Variants in PLEKHG1 observed in about 807,000 individuals in gnomAD.
The protein encoded by PLEKHG1 is pleckstrin homology and RhoGEF domain containing G1.
In PLEKHG1, 44 loss-of-function variants were observed where a neutral mutation model predicts 100.8. The ratio of observed to expected loss-of-function variants is 0.44; its 90% confidence interval spans 0.34 to 0.56. PLEKHG1 has a LOEUF of 0.56. Among genes scored for constraint, PLEKHG1 ranks in the 20% least tolerant of loss-of-function variants. The probability of loss-of-function intolerance (pLI) is 0.01; values close to 1 mark genes in which losing one functional copy is unlikely to be tolerated. For missense variants in PLEKHG1, 1,545 were observed against 1,720.9 expected, an observed-to-expected ratio of 0.90 and a Z score of 1.81; for synonymous variants, 640 against 662.5, an observed-to-expected ratio of 0.97 and a Z score of 0.52.
At chr6:150,656,092 A>G (rs1778958777) in intron 3 of PLEKHG1, among the ~76,000 whole-genome samples, 2 of 152,074 alleles carry the variant, frequency 1.3e-5, no homozygotes, top group African/African-American at 4.8e-5. Context: ...AACTTAAAGT[A>G]TAATAAAAAA....
intron 2 of PLEKHG1, among the ~76,000 whole-genome samples, chr6:150,760,637 T>C (rs1290013558): frequency 2.6e-5 from 2 of 77,590 alleles, no homozygotes; most frequent in Non-Finnish European, 4.1e-5. Context: ...ATGCTTTGCT[T>C]TTTTTTTTTT....
chr6:150,823,802 A>T, intron 14 of PLEKHG1, 126 bp downstream of exon 15: 1 of 693,690 alleles, frequency 1.4e-6, no homozygotes, highest in South Asian at 1.8e-5. Context: ...CATTTTGGAA[A>T]TATGGTATTT....
At chr6:150,677,594 A>G (rs1424825598) in intron 3 of PLEKHG1, among the ~76,000 whole-genome samples, 1 of 152,186 alleles carries the variant, frequency 6.6e-6, no homozygotes, top group Non-Finnish European at 1.5e-5. Context: ...CACACCTGAT[A>G]CATACCCCTC....
intron 2 of PLEKHG1, among the ~76,000 whole-genome samples, chr6:150,649,656 C>G (rs1211424998): frequency 6.6e-6 from 1 of 152,178 alleles, no homozygotes; most frequent in African/African-American, 2.4e-5. Flanking sequence ...GCGGGCAGAT[C>G]ACCTAAGGTC....
chr6:150,717,206 ATT>A (rs796220079), upstream of PLEKHG1, among the ~76,000 whole-genome samples: 4 of 142,600 alleles, frequency 2.8e-5, no homozygotes, highest in Admixed American at 7.0e-5. Flanking sequence ...TAATTTTTGT[ATT>A]TTTTTTTTTT....
chr6:150,709,149 C>T (rs781121036), intron 3 of PLEKHG1, among the ~76,000 whole-genome samples: 47 of 152,202 alleles, frequency 3.1e-4, no homozygotes, highest in Middle Eastern at 3.4e-3. Flanking sequence ...CTGGCTAACA[C>T]GGTGAAACTC....
chr6:150,696,981 C>T (rs1240524322), intron 3 of PLEKHG1, among the ~76,000 whole-genome samples: 2 of 151,998 alleles, frequency 1.3e-5, no homozygotes, highest in African/African-American at 4.8e-5. Flanking sequence ...CCTGTAGTCC[C>T]AGCTACTTGG....
At chr6:150,809,712 A>G in exon 10 of PLEKHG1, 1 of 1,613,834 alleles carries the variant, frequency 6.2e-7, no homozygotes, top group Non-Finnish European at 8.5e-7. Context: ...CTGGAGAACC[A>G]TGCAGCCAAG....
At position 150,673,463 on chromosome 6, in the gene PLEKHG1, C is replaced by T. The variant is rs76406554; in HGVS notation, c.-99+22677C>T. On this transcript the variant is annotated intron_variant, in intron 3 of 3. Coordinates refer to the PLEKHG1 transcript ENST00000367326. ...CCTGTCTATAGGCAATGCTTGCTTT[C>T]GAATCCTTAAATATATTCAAGAACA... is the stretch of plus-strand genomic sequence containing the variant. Among the ~76,000 whole-genome samples, 570 of 152,248 alleles carry T rather than the reference C, an allele frequency of 3.7e-3. 4 individuals carry two copies. The highest frequency in any genetic ancestry group is 0.013 in the African/African-American group (552 of 41,538).
chr6:150,818,910 C>T (rs939600226), intron 11 of PLEKHG1, among the ~76,000 whole-genome samples: 2 of 152,288 alleles, frequency 1.3e-5, no homozygotes, highest in African/African-American at 4.8e-5. Flanking sequence ...ACGTTGATTC[C>T]CTTCCCTCCA....
Position 150,716,024 on chromosome 6 carries a change from C to T in PLEKHG1, c.-98-17560C>T, listed in dbSNP as rs1385023041. 1.5e-4 allele frequency among the ~76,000 whole-genome samples: 22 copies of T among 148,464 alleles called. No homozygotes were observed. In the East Asian group the frequency reaches 3.8e-3, roughly 26 times the overall value. On this transcript the variant is annotated intron_variant, in intron 3 of 3. Coordinates refer to the PLEKHG1 transcript ENST00000367326. ...TCGGGAGGCTGAGGCAGGAGAATGG[C>T]GTGAACCCGGGAGGCGGAGCTTGCA...
Position 150,648,490 on chromosome 6 carries a change from T to C in PLEKHG1, c.-157-2238T>C, listed in dbSNP as rs547119286. Among the ~76,000 whole-genome samples the C allele has an allele frequency of 2.7e-3, 412 of 152,272 alleles. 2 individuals carry two copies. Among genetic ancestry groups the C allele is most frequent in the Non-Finnish European group, 4.5e-3 (307 of 67,972 alleles). On this transcript the variant is annotated intron_variant, in intron 2 of 3. Transcript: ENST00000367326. Reference sequence around the variant, plus strand: ...TTGAAGATAAGAATAAGTGTTGATCTTTTGTGACCTATTGATAGGGCATAA... The same window carrying C: ...TTGAAGATAAGAATAAGTGTTGATCCTTTGTGACCTATTGATAGGGCATAA...
intron 4 of PLEKHG1, among the ~76,000 whole-genome samples, chr6:150,791,791 T>C (rs1396212358): frequency 1.3e-5 from 2 of 152,072 alleles, no homozygotes; most frequent in African/African-American, 4.8e-5. Context: ...CAAAAAGCAG[T>C]CTCCACAAAC....
intron 3 of PLEKHG1, among the ~76,000 whole-genome samples, chr6:150,704,257 C>T (rs1380237674): frequency 6.6e-6 from 1 of 152,208 alleles, no homozygotes; most frequent in Non-Finnish European, 1.5e-5. Context: ...AAACCTTCCT[C>T]TGGTCTTCTT....
Position 150,683,739 on chromosome 6 carries a change from G to T in PLEKHG1, c.-99+32953G>T. 7.9e-7 allele frequency: 1 copy of T among 1,267,988 alleles called. No individual in the cohort carries two copies. The allele number at this position is 1,267,988 out of a possible 1,614,324, so 78.5% of individuals were successfully genotyped here. ...ACGGACCCCTCTGCGCTAGTATCCA[G>T]GGCATAGGACGTCTGAAGGAAAGAT... On this transcript the variant is annotated intron_variant, in intron 3 of 3. Coordinates refer to the PLEKHG1 transcript ENST00000367326. The surrounding 1 kb of genome is among the most constrained non-coding windows in gnomAD (Gnocchi z 4.0).
chr6:150,740,646 G>A lies in PLEKHG1; in HGVS notation c.411+6554G>A, dbSNP rs924239698. On this transcript the variant is annotated intron_variant, in intron 2 of 15. Transcript: ENST00000358517. ...TAGGGATTGTTTTAAATGAAGGCTC[G>A]TTATGTGGGTGGATTTAATAAGGAA... Among the ~76,000 whole-genome samples, 7 of 152,150 alleles carry A rather than the reference G, an allele frequency of 4.6e-5. No individual in the cohort carries two copies. In the South Asian group the frequency reaches 6.2e-4, roughly 14 times the overall value.
intron 15 of PLEKHG1, among the ~76,000 whole-genome samples, chr6:150,837,282 T>C (rs879320569): frequency 2.0e-5 from 3 of 152,226 alleles, no homozygotes; most frequent in Non-Finnish European, 2.9e-5. Flanking sequence ...AGGTACACAC[T>C]ATGTAAGACT....
chr6:150,620,851 T>C (rs190525475), intron 1 of PLEKHG1, among the ~76,000 whole-genome samples: 1 of 152,220 alleles, frequency 6.6e-6, no homozygotes, highest in Non-Finnish European at 1.5e-5. Flanking sequence ...TGAGAAATGA[T>C]CAGTGCCATG....
In PLEKHG1 at chr6:150,836,991, G is replaced by T. The variant is rs564980660; in HGVS notation, c.3095-2842G>T. 4.0e-4 allele frequency among the ~76,000 whole-genome samples: 61 copies of T among 152,072 alleles called. No individual in the cohort carries two copies. In the Middle Eastern group the frequency reaches 0.014, roughly 34 times the overall value. On this transcript the variant is annotated intron_variant, in intron 15 of 15. Coordinates refer to ENST00000358517, the Ensembl canonical transcript of PLEKHG1. ...AGCTTGGCTAACATGGCAAAACCCT[G>T]TCTCTACTATAAATACAAAAATTAG...
Sources: allele counts gnomAD v4.1 joint callset (sites outside exome capture counted in the v4.1 genomes callset), GRCh38; gene constraint gnomAD v4.1.1; non-coding constraint Gnocchi (gnomAD v3.1); transcripts MANE v1.5; gene names NCBI Gene and HGNC (gene_info 2026-07-23, HGNC 2026-07-21).